EBF1: variants seen among roughly 807,000 people sequenced by gnomAD.
The protein encoded by EBF1 is transcription factor COE1.
A neutral mutation model predicts 68.4 loss-of-function variants in EBF1; 10 were observed. That is an observed-to-expected ratio of 0.15 (90% CI 0.09 to 0.25). The LOEUF is 0.25. EBF1 is among the 10% of genes least tolerant of loss of function. The pLI, the probability that EBF1 is intolerant of heterozygous loss-of-function variation, is 1.00. For missense variants in EBF1, 509 were observed against 794.4 expected, an observed-to-expected ratio of 0.64 and a Z score of 4.32; for synonymous variants, 298 against 299.8, an observed-to-expected ratio of 0.99 and a Z score of 0.06.
At chr5:158,742,533 T>C (rs1189884479) in intron 10 of EBF1, among the ~76,000 whole-genome samples, 2 of 152,210 alleles carry the variant, frequency 1.3e-5, no homozygotes, top group African/African-American at 4.8e-5. Flanking sequence ...GCAGGTGCAA[T>C]GAATACAGGA....
chr5:158,910,932 G>C (rs969075363), intron 6 of EBF1, among the ~76,000 whole-genome samples: 1 of 152,184 alleles, frequency 6.6e-6, no homozygotes, highest in Non-Finnish European at 1.5e-5. Context: ...AGCACCTGCT[G>C]ATTCAGTGTT....
rs17056264 is a variant in EBF1, at chr5:158,813,982, A to G, written c.778+9194T>C. Among the ~76,000 whole-genome samples, 702 of 152,306 alleles carry G rather than the reference A, an allele frequency of 4.6e-3. 7 individuals are homozygous for G. The highest frequency in any genetic ancestry group is 0.016 in the African/African-American group (671 of 41,584). ...TATAGAGACAGCTTGGTTTGAAACA[A>G]TCAATTAGGCAAATCAATGCAATTG... On this transcript the variant is annotated intron_variant, in intron 8 of 15. Coordinates refer to ENST00000313708, the MANE Select transcript of EBF1 (RefSeq NM_024007.5).
At chr5:158,939,018 T>G (rs1812685972) in intron 6 of EBF1, among the ~76,000 whole-genome samples, 1 of 152,216 alleles carries the variant, frequency 6.6e-6, no homozygotes. Context: ...CCCACCAGTC[T>G]CCAGGAGAGC....
intron 10 of EBF1, among the ~76,000 whole-genome samples, chr5:158,751,802 T>C (rs966010737): frequency 6.6e-6 from 1 of 152,110 alleles, no homozygotes; most frequent in Non-Finnish European, 1.5e-5. Flanking sequence ...TTGATCAGAA[T>C]CAACTTACAA....
chr5:158,844,050 A>C (rs1379054315), intron 6 of EBF1, among the ~76,000 whole-genome samples: 1 of 152,102 alleles, frequency 6.6e-6, no homozygotes, highest in Admixed American at 6.5e-5. Context: ...CAGGAGAAAA[A>C]GTGTGGCAGC....
At chr5:158,770,373 C>G (rs1029129015) in intron 10 of EBF1, among the ~76,000 whole-genome samples, 3 of 152,150 alleles carry the variant, frequency 2.0e-5, no homozygotes, top group South Asian at 2.1e-4. Context: ...TCCTAAGAGG[C>G]CTTCCAAGAT....
chr5:158,787,274 T>C (rs1351735981), intron 9 of EBF1, among the ~76,000 whole-genome samples: 2 of 152,146 alleles, frequency 1.3e-5, no homozygotes, highest in Admixed American at 6.5e-5. Context: ...AGTAATATAG[T>C]TCTGTGTTTG....
intron 4 of EBF1, among the ~76,000 whole-genome samples, chr5:159,084,964 C>T (rs1350383457): frequency 6.6e-6 from 1 of 152,134 alleles, no homozygotes; most frequent in African/African-American, 2.4e-5. Flanking sequence ...ATGCACATCT[C>T]TGGATCAGAG....
intron 10 of EBF1, among the ~76,000 whole-genome samples, chr5:158,765,324 C>CA (rs1302205361): frequency 6.6e-6 from 1 of 152,172 alleles, no homozygotes; most frequent in Admixed American, 6.5e-5. Flanking sequence ...GCTACAAGCT[C>CA]AAAGAGTCAT....
At chr5:158,703,055 G>T (rs1757110979) in intron 15 of EBF1, among the ~76,000 whole-genome samples, 1 of 152,104 alleles carries the variant, frequency 6.6e-6, no homozygotes, top group African/African-American at 2.4e-5. Flanking sequence ...TACATCAGCG[G>T]GGGTTCCAAT....
intron 6 of EBF1, among the ~76,000 whole-genome samples, chr5:159,017,694 T>A (rs1765891551): frequency 6.6e-6 from 1 of 152,210 alleles, no homozygotes; most frequent in African/African-American, 2.4e-5. Flanking sequence ...AACTCTGAAT[T>A]TAAATGGGGT....
intron 6 of EBF1, among the ~76,000 whole-genome samples, chr5:158,953,902 C>T (rs1276177066): frequency 6.6e-6 from 1 of 152,120 alleles, no homozygotes; most frequent in African/African-American, 2.4e-5. Context: ...TAAAAGGCTA[C>T]CTTCCATAAT....
At chr5:158,748,378 C>A (rs762155006) in intron 10 of EBF1, among the ~76,000 whole-genome samples, 1 of 152,254 alleles carries the variant, frequency 6.6e-6, no homozygotes, top group East Asian at 1.9e-4. Context: ...CCGGATAACA[C>A]GGGTGGAATT....
chr5:158,741,211 G>A (rs1025737548), intron 10 of EBF1, among the ~76,000 whole-genome samples: 3 of 152,030 alleles, frequency 2.0e-5, no homozygotes, highest in Non-Finnish European at 2.9e-5. Flanking sequence ...TGGTTTTCAC[G>A]TGGCACTTTT....
intron 6 of EBF1, among the ~76,000 whole-genome samples, chr5:158,977,726 A>G (rs887699974): frequency 3.3e-5 from 5 of 152,200 alleles, no homozygotes; most frequent in African/African-American, 1.2e-4. Flanking sequence ...ATTTAGGGAA[A>G]TATACTCTGT....
intron 7 of EBF1, among the ~76,000 whole-genome samples, chr5:158,827,638 A>G (rs1308750483): frequency 2.6e-5 from 4 of 152,132 alleles, no homozygotes; most frequent in Non-Finnish European, 5.9e-5. Context: ...GAGACCTTGT[A>G]TGTCCTAACT....
In EBF1 at chr5:159,035,365, A is replaced by G. The variant is rs145119954; in HGVS notation, c.554+38031T>C. The stretch of plus-strand genomic sequence containing the variant: ...CCAAAATAAGTGAAAAGTAAATGCC[A>G]GGAAGAAACCAAGAGTTTTAAAGTC... On this transcript the variant is annotated intron_variant, in intron 6 of 15. Transcript: ENST00000313708. 1.4e-3 allele frequency among the ~76,000 whole-genome samples: 218 copies of G among 152,366 alleles called. 1 individual carries two copies. The highest frequency in any genetic ancestry group is 4.8e-3 in the African/African-American group (198 of 41,580).
At chr5:159,019,896 A>T (rs1163987646) in intron 6 of EBF1, among the ~76,000 whole-genome samples, 1 of 151,896 alleles carries the variant, frequency 6.6e-6, no homozygotes, top group African/African-American at 2.4e-5. Context: ...CTTTGCTGCC[A>T]CCCTAATAAT....
chr5:158,752,173 A>G (rs908306600), intron 10 of EBF1, among the ~76,000 whole-genome samples: 4 of 152,076 alleles, frequency 2.6e-5, no homozygotes, highest in African/African-American at 9.7e-5. Flanking sequence ...TCTAAATATG[A>G]TTATATTTCC....
Sources: allele counts gnomAD v4.1 joint callset (sites outside exome capture counted in the v4.1 genomes callset), GRCh38; gene constraint gnomAD v4.1.1; transcripts MANE v1.5; gene names NCBI Gene and HGNC (gene_info 2026-07-23, HGNC 2026-07-21).